Variants in RIC8B observed in about 807,000 individuals in gnomAD.
The protein encoded by RIC8B is RIC8 guanine nucleotide exchange factor B.
RIC8B carries 16 observed loss-of-function variants against 57.5 expected under a neutral mutation model. The ratio of observed to expected loss-of-function variants is 0.28; its 90% CI spans 0.19 to 0.42. The LOEUF is 0.42. Ranked by LOEUF, RIC8B falls within the 10% of genes least tolerant of loss-of-function variation. The pLI is 1.00. For missense variants in RIC8B, 481 were observed against 677.0 expected, an observed-to-expected ratio of 0.71 and a Z score of 3.21; for synonymous variants, 216 against 250.8, an observed-to-expected ratio of 0.86 and a Z score of 1.31.
Position 106,852,731 on chromosome 12 carries a change from A to G in RIC8B, c.1306+1137A>G, listed in dbSNP as rs867596310. Among the ~76,000 whole-genome samples the G allele has an allele frequency of 1.2e-4, 18 of 152,366 alleles. 1 individual carries two copies. The Middle Eastern group carries it at 0.01, about 86-fold the overall frequency. ...TTGGGTCCTGTCTTTTCTTTCTGCC[A>G]TATTTCCTCTCATAATAATTATATT... On this transcript the variant is annotated intron_variant, in intron 7 of 9. Transcript: ENST00000392837.
Position 106,774,703 on chromosome 12 carries a change from C to T in RIC8B, c.-43C>T. 2 of 1,502,692 alleles carry T rather than the reference C, an allele frequency of 1.3e-6. No homozygotes were observed. The highest frequency in any genetic ancestry group is 1.8e-6 in the Non-Finnish European group (2 of 1,112,020). 93.1% of individuals were successfully genotyped at this position (1,502,692 alleles called of 1,614,324 possible). ...CGAGGCGTTTACCTGGAGGCAGCGG[C>T]TTGGGCGCGCAGAGCGGCCGCGGCT... On this transcript the variant is annotated 5_prime_UTR_variant, in exon 1 of 10. Coordinates refer to ENST00000392837, the MANE Select transcript of RIC8B (RefSeq NM_001330145.2).
At chr12:106,804,214 T>C (rs570588780) in intron 2 of RIC8B, among the ~76,000 whole-genome samples, 34 of 133,026 alleles carry the variant, frequency 2.6e-4, no homozygotes, top group African/African-American at 7.3e-4. Context: ...TTCCTTCCTT[T>C]CTTTCTTTTT....
At chr12:106,796,392 A>G (rs936020084) in intron 2 of RIC8B, among the ~76,000 whole-genome samples, 4 of 152,048 alleles carry the variant, frequency 2.6e-5, no homozygotes, top group African/African-American at 4.8e-5. Flanking sequence ...CTAAAAAGAA[A>G]AAAGAAATTG....
rs1192113075 is a variant in RIC8B, at chr12:106,851,676, G to A, written c.1306+82G>A. The A allele has an allele frequency of 4.5e-5, 53 of 1,183,750 alleles. 1 individual carries two copies. The highest frequency in any genetic ancestry group is 2.9e-4 in the Middle Eastern group (1 of 3,424). The allele number at this position is 1,183,750 out of a possible 1,614,324, so 73.3% of individuals were successfully genotyped here. A position where few individuals can be genotyped will look rare whatever the true frequency, so the allele number is the denominator to read the frequency against. On this transcript the variant is annotated intron_variant, in intron 7 of 9. Coordinates refer to ENST00000392837, the MANE Select transcript of RIC8B (RefSeq NM_001330145.2). ...TTAATTGATAGTGTTAGTACTGGTC[G>A]TCTCATTCCATTCTTTCCAAAGCTT...
At position 106,800,483 on chromosome 12, in the gene RIC8B, G is replaced by T. The variant is rs531068366; in HGVS notation, c.133-14213G>T. Among the ~76,000 whole-genome samples the T allele has an allele frequency of 2.0e-5, 3 of 152,178 alleles. No individual in the cohort carries two copies. In the South Asian group the frequency reaches 6.2e-4, roughly 32 times the overall value. ...CTCCCACCATGTAATTCTCACCTCCGGCACCAGGGATTGCATTTCAACATG... is the reference window on the plus strand; with the variant it reads ...CTCCCACCATGTAATTCTCACCTCCTGCACCAGGGATTGCATTTCAACATG... On this transcript the variant is annotated intron_variant, in intron 2 of 9. Coordinates refer to ENST00000392837, the MANE Select transcript of RIC8B (RefSeq NM_001330145.2).
intron 2 of RIC8B, among the ~76,000 whole-genome samples, chr12:106,793,732 A>G (rs1420719811): frequency 6.6e-6 from 1 of 152,246 alleles, no homozygotes; most frequent in African/African-American, 2.4e-5. Flanking sequence ...AACTGTGGAC[A>G]TACCCAATGG....
chr12:106,833,157 C>T (rs1255948978), intron 4 of RIC8B, among the ~76,000 whole-genome samples: 1 of 152,088 alleles, frequency 6.6e-6, no homozygotes. Flanking sequence ...TTTTTGAATA[C>T]ACCCTCAAGT....
intron 8 of RIC8B, among the ~76,000 whole-genome samples, chr12:106,865,195 G>A (rs1199849328): frequency 3.9e-5 from 6 of 152,064 alleles, no homozygotes; most frequent in African/African-American, 1.2e-4. Flanking sequence ...ATTTTACATA[G>A]CAGCTGCACC....
In RIC8B at chr12:106,815,263, C is replaced by G. The variant is rs1324159239; in HGVS notation, c.700C>G (p.Leu234Val). Residue 234 changes from leucine to valine, a missense_variant, in exon 3 of 10, where the codon CTC becomes GTC. Leu to Val is a conservative substitution (Grantham distance 32, BLOSUM62 1). Around this residue, in one of 3 missense-constraint regions of RIC8B, gnomAD observed 421 missense variants for 560.9 expected, o/e 0.75. Coordinates refer to ENST00000392837, the MANE Select transcript of RIC8B (RefSeq NM_001330145.2). ...TDCAIEALKALFNVTVDSWKV... is the reference protein window; with the variant it reads ...TDCAIEALKAVFNVTVDSWKV... ...CTGTGCCATTGAGGCCCTCAAAGCT[C>G]TCTTCAATGTGACGGTAGACAGTTG... 1 of 1,613,952 alleles carries G rather than the reference C, an allele frequency of 6.2e-7. No individual in the cohort carries two copies. The highest frequency in any genetic ancestry group is 8.5e-7 in the Non-Finnish European group (1 of 1,179,956).
chr12:106,783,123 T>G (rs1474454070), intron 1 of RIC8B, among the ~76,000 whole-genome samples: 2 of 152,214 alleles, frequency 1.3e-5, no homozygotes, highest in East Asian at 3.8e-4. Flanking sequence ...TGCCAATCAT[T>G]GCAGAAGAGT....
intron 1 of RIC8B, chr12:106,775,315 G>A (rs772054817): frequency 1.1e-5 from 5 of 455,894 alleles, no homozygotes; most frequent in Admixed American, 2.4e-5. Flanking sequence ...GGTCTCCTTT[G>A]ATCCTCAGAG....
At chr12:106,810,037 A>G (rs182656962) in intron 2 of RIC8B, among the ~76,000 whole-genome samples, 64 of 151,232 alleles carry the variant, frequency 4.2e-4, no homozygotes, top group Non-Finnish European at 7.1e-4. Flanking sequence ...TTTATTATTT[A>G]TTATTTATTA....
intron 2 of RIC8B, among the ~76,000 whole-genome samples, chr12:106,803,229 A>AAAAAG: frequency 6.6e-6 from 1 of 151,416 alleles, no homozygotes; most frequent in Non-Finnish European, 1.5e-5. Flanking sequence ...AAAAAAAAAA[A>AAAAAG]AAAAAAAAAG....
At chr12:106,806,020 G>A (rs992531357) in intron 2 of RIC8B, among the ~76,000 whole-genome samples, 5 of 152,110 alleles carry the variant, frequency 3.3e-5, no homozygotes, top group Admixed American at 6.5e-5. Flanking sequence ...TGCGATCTCG[G>A]CTCACAGCAA....
chr12:106,786,788 A>G (rs879729396), intron 2 of RIC8B, among the ~76,000 whole-genome samples: 1 of 152,106 alleles, frequency 6.6e-6, no homozygotes, highest in Non-Finnish European at 1.5e-5. Context: ...TGCTAATGAG[A>G]GAGTGAAAAA....
intron 8 of RIC8B, among the ~76,000 whole-genome samples, chr12:106,869,020 G>A (rs190840229): frequency 1.3e-5 from 2 of 152,094 alleles, no homozygotes; most frequent in African/African-American, 2.4e-5. Context: ...AAAACAAGTG[G>A]GTAGGGGACA....
At chr12:106,803,240 C>T (rs1020888352) in intron 2 of RIC8B, among the ~76,000 whole-genome samples, 1 of 91,404 alleles carries the variant, frequency 1.1e-5, no homozygotes, top group Admixed American at 1.1e-4. Flanking sequence ...AAAAAAAAAG[C>T]AAGTTTCTTT....
intron 2 of RIC8B, among the ~76,000 whole-genome samples, chr12:106,786,062 G>T (rs531005675): frequency 1.3e-5 from 2 of 151,188 alleles, no homozygotes; most frequent in Non-Finnish European, 2.9e-5. Context: ...GCTCAGGCTG[G>T]CCTCAAGGGA....
At chr12:106,874,293 C>T (rs944634313) in intron 9 of RIC8B, among the ~76,000 whole-genome samples, 3 of 152,174 alleles carry the variant, frequency 2.0e-5, no homozygotes, top group African/African-American at 7.2e-5. Context: ...CACTCTAGGA[C>T]GTTCTGCATT....
Sources: allele counts gnomAD v4.1 joint callset (sites outside exome capture counted in the v4.1 genomes callset), GRCh38; gene constraint gnomAD v4.1.1; regional missense constraint gnomAD v4.1.1; transcripts MANE v1.5; gene names NCBI Gene and HGNC (gene_info 2026-07-23, HGNC 2026-07-21).